The following CDH23 variants were observed in gnomAD, a reference collection of about 807,000 sequenced individuals.
The protein encoded by CDH23 is cadherin related 23, also known as cadherin-23.
Under a neutral mutation model 317.1 loss-of-function variants are expected in CDH23, and 189 were observed. The ratio of observed to expected loss-of-function variants is 0.60; its 90% CI spans 0.53 to 0.67. The LOEUF (loss-of-function observed/expected upper bound fraction) is 0.67. Among genes scored for constraint, CDH23 ranks in the 30% least tolerant of loss-of-function variants. The pLI is 0.00. For synonymous variants in CDH23, 1,839 were observed against 1,876.8 expected (o/e 0.98, Z 0.52); for missense variants, 4,401 against 4,592.4 (o/e 0.96, Z 1.20).
At chr10:71,612,550 T>A (rs1257359394) in intron 9 of CDH23, among the ~76,000 whole-genome samples, 1 of 152,122 alleles carries the variant, frequency 6.6e-6, no homozygotes, top group African/African-American at 2.4e-5. Flanking sequence ...AAGATAAAAA[T>A]TGAATCACAT....
At chr10:71,660,651 G>T (rs1362251770) in intron 14 of CDH23, among the ~76,000 whole-genome samples, 1 of 152,128 alleles carries the variant, frequency 6.6e-6, no homozygotes, top group Non-Finnish European at 1.5e-5. Context: ...TGCAAAGGAG[G>T]CTGGGAAATT....
chr10:71,706,903 A>C lies in CDH23; in HGVS notation c.2960A>C (p.Asp987Ala). Residue 987 changes from aspartate to alanine, a missense_variant, in exon 26 of 70, where the codon GAT becomes GCT. Physicochemically the swap from Asp to Ala is moderately radical, Grantham distance 126. Coordinates refer to ENST00000224721, the MANE Select transcript of CDH23 (RefSeq NM_022124.6). Reference protein sequence around the residue: ...STSTLTIHVLDVNDETPTFFP... With the variant: ...STSTLTIHVLAVNDETPTFFP... ...CGCCCGTTCTGCCCCGCAGTGCTGG[A>C]TGTGAACGACGAGACGCCCACCTTC... 1 of 1,600,008 alleles carries C rather than the reference A, an allele frequency of 6.2e-7. No homozygotes were observed. Among genetic ancestry groups the C allele is most frequent in the Non-Finnish European group, 8.5e-7 (1 of 1,173,848 alleles).
chr10:71,491,042 G>C (rs1012343961), intron 3 of CDH23, among the ~76,000 whole-genome samples: 5 of 152,176 alleles, frequency 3.3e-5, no homozygotes, highest in African/African-American at 1.2e-4. Flanking sequence ...AAGAGGGGCT[G>C]TAACCAGTCT....
chr10:71,466,903 T>A (rs10823762), intron 3 of CDH23, among the ~76,000 whole-genome samples: 52,802 of 152,036 alleles, frequency 0.35, 11,422 homozygotes, highest in East Asian at 0.48. Context: ...TGCACGTGCA[T>A]ATATCTGTGG....
chr10:71,679,934 A>T (rs1864545058), intron 17 of CDH23, among the ~76,000 whole-genome samples: 1 of 152,154 alleles, frequency 6.6e-6, no homozygotes, highest in Admixed American at 6.5e-5. Flanking sequence ...GGTAGGAAAT[A>T]GCAGCAACCT....
At chr10:71,545,867 A>G (rs953004543) in intron 6 of CDH23, among the ~76,000 whole-genome samples, 3 of 152,180 alleles carry the variant, frequency 2.0e-5, no homozygotes, top group African/African-American at 4.8e-5. Context: ...CTCTCCAGGT[A>G]GAGGACAGAG....
intron 3 of CDH23, among the ~76,000 whole-genome samples, chr10:71,449,541 A>G (rs1425955345): frequency 6.6e-6 from 1 of 152,134 alleles, no homozygotes; most frequent in Non-Finnish European, 1.5e-5. Context: ...GACATACTAT[A>G]TATATAGATA....
intron 8 of CDH23, among the ~76,000 whole-genome samples, chr10:71,572,642 C>G (rs1340891987): frequency 6.6e-6 from 1 of 152,110 alleles, no homozygotes; most frequent in East Asian, 1.9e-4. Flanking sequence ...TCCACCCACC[C>G]ATTTGTTCCC....
chr10:71,791,103 T>C (rs746396565), intron 46 of CDH23, 29 bp from the exon 47 acceptor site: 2 of 1,572,476 alleles, frequency 1.3e-6, no homozygotes, highest in East Asian at 2.3e-5. Flanking sequence ...TTTCTGTGTG[T>C]TTCCCTGGCT....
At chr10:71,514,898 T>A (rs904307630) in intron 6 of CDH23, among the ~76,000 whole-genome samples, 20 of 152,236 alleles carry the variant, frequency 1.3e-4, no homozygotes, top group African/African-American at 4.8e-4. Context: ...AATAGACTTT[T>A]ATGGCGTTCC....
Position 71,730,535 on chromosome 10 carries a change from C to A in CDH23, c.3646C>A (p.Leu1216Met). 1 of 1,613,988 alleles carries A rather than the reference C, an allele frequency of 6.2e-7. No homozygotes were observed. Among genetic ancestry groups the A allele is most frequent in the Non-Finnish European group, 8.5e-7 (1 of 1,179,894 alleles). Residue 1216 changes from leucine to methionine, a missense_variant, in exon 31 of 70, where the codon CTG (leucine) becomes ATG (methionine). Physicochemically the swap from Leu to Met is conservative, Grantham distance 15 (BLOSUM62 2). This residue lies in a region of CDH23 where 3,068 missense variants were observed against 3,203.3 expected (regional missense o/e 0.96). Coordinates refer to ENST00000224721, the MANE Select transcript of CDH23 (RefSeq NM_022124.6). ...PVFTQQQYSR[L>M]GLRETAGIGT... Reference sequence around the variant, plus strand: ...GTTCACACAGCAGCAGTACAGCCGTCTGGGGCTTCGAGAGACCGCAGGCAT... The same window carrying A: ...GTTCACACAGCAGCAGTACAGCCGTATGGGGCTTCGAGAGACCGCAGGCAT...
intron 3 of CDH23, among the ~76,000 whole-genome samples, chr10:71,500,831 C>T (rs7092858): frequency 1.2e-4 from 16 of 132,012 alleles, no homozygotes; most frequent in Non-Finnish European, 2.1e-4. Flanking sequence ...CTTTCCTTTC[C>T]TTTCTTTTCT....
At chr10:71,569,047 C>G (rs998186885) in intron 7 of CDH23, among the ~76,000 whole-genome samples, 1 of 152,214 alleles carries the variant, frequency 6.6e-6, no homozygotes, top group Non-Finnish European at 1.5e-5. Flanking sequence ...TGAGCTTCCC[C>G]GCTCCAGCCC....
At chr10:71,622,929 T>C (rs1861538037) in intron 11 of CDH23, 2 of 985,460 alleles carry the variant, frequency 2.0e-6, no homozygotes, top group Non-Finnish European at 2.4e-6. Context: ...CCTTCGGGCC[T>C]CATTAATTTG....
chr10:71,739,110 C>T (rs1298201951), intron 35 of CDH23, among the ~76,000 whole-genome samples: 1 of 152,064 alleles, frequency 6.6e-6, no homozygotes, highest in Non-Finnish European at 1.5e-5. Flanking sequence ...CGTGTGTTTG[C>T]GGGTGTTAGC....
In CDH23 at chr10:71,807,646, TC is replaced by T; in HGVS notation, c.8443del (p.Arg2815ValfsTer22). ...CCTCCAGCAATCGCAGCTGGACACC[TC>T]CCCGTGGACCCTCCCCAACCCTCGA... Reference protein sequence around the residue: ...KASSNRSWTPPRGPSPTLDLV... With the variant: ...KASSNRSWTPXRGPSPTLDLV... On this transcript the variant is annotated frameshift_variant, in exon 59 of 70. Coordinates refer to ENST00000224721, the MANE Select transcript of CDH23 (RefSeq NM_022124.6). LOFTEE classifies it high-confidence loss of function. 1.9e-6 allele frequency: 3 copies of T among 1,613,876 alleles called. No individual in the cohort carries two copies. The highest frequency in any genetic ancestry group is 2.5e-6 in the Non-Finnish European group (3 of 1,179,848).
chr10:71,739,809 G>A, intron 36 of CDH23, 37 bp downstream of exon 36: 1 of 1,580,518 alleles, frequency 6.3e-7, no homozygotes, highest in Non-Finnish European at 8.6e-7. Flanking sequence ...GAGACCACTG[G>A]CTAAGTGCCT....
rs890758694 is a variant in CDH23 at position 71,720,428 on chromosome 10, C to T, written c.3370-3617C>T. On this transcript the variant is annotated intron_variant, in intron 28 of 69. Transcript: ENST00000224721. ...CTGGAGGCTCTTTCCAAAACACACA[C>T]ACACACACACACACACACACACTTC... Among the ~76,000 whole-genome samples, 47 of 151,550 alleles carry T rather than the reference C, an allele frequency of 3.1e-4. 1 individual carries two copies. The highest frequency in any genetic ancestry group is 7.4e-5 in the Non-Finnish European group (5 of 67,830).
At chr10:71,642,988 G>A (rs1862634661) in intron 11 of CDH23, among the ~76,000 whole-genome samples, 1 of 152,212 alleles carries the variant, frequency 6.6e-6, no homozygotes, top group South Asian at 2.1e-4. Context: ...TGATGCAAGT[G>A]CTCTGCAGCC....
Sources: allele counts gnomAD v4.1 joint callset (sites outside exome capture counted in the v4.1 genomes callset), GRCh38; gene constraint gnomAD v4.1.1; regional missense constraint gnomAD v4.1.1; transcripts MANE v1.5; gene names NCBI Gene and HGNC (gene_info 2026-07-23, HGNC 2026-07-21).